The following PLAGL1 variants were observed in gnomAD, a reference collection of about 807,000 sequenced individuals.
PLAGL1 encodes the protein PLAG1 like zinc finger 1, also known as zinc finger protein PLAGL1.
Under a neutral mutation model 4.6 loss-of-function variants are expected in PLAGL1, and 1 was observed. The observed-to-expected ratio is 0.22, with a 90% CI of 0.08 to 1.03. The LOEUF is 1.03. PLAGL1 is among the 50% of genes least tolerant of loss of function. PLAGL1 has a pLI of 0.58. For missense variants in PLAGL1, 464 were observed against 570.4 expected (o/e 0.81, Z 1.90); for synonymous variants, 240 against 237.8 (o/e 1.01, Z -0.08).
Position 143,952,109 on chromosome 6 carries a change from G to GACAACA in PLAGL1, c.-324-3655_-324-3650dup, listed in dbSNP as rs891708876. The stretch of plus-strand genomic sequence containing the variant: ...GGTCAAAGCTTAGCTATTAAAAAAC[G>GACAACA]ACAACAACAACAACAACAACTGTGG... On this transcript the variant is annotated intron_variant, in intron 6 of 7. Coordinates refer to ENST00000674357, the MANE Select transcript of PLAGL1 (RefSeq NM_001317162.2). This position sits in a 1 kb window ranked among gnomAD's most constrained non-coding sequence, Gnocchi z 6.1. Among the ~76,000 whole-genome samples, 1 of 151,840 alleles carries GACAACA rather than the reference G, an allele frequency of 6.6e-6. No individual in the cohort carries two copies. The highest frequency in any genetic ancestry group is 1.5e-5 in the Non-Finnish European group (1 of 67,972).
intron 1 of PLAGL1, among the ~76,000 whole-genome samples, chr6:144,018,198 A>T (rs1043134456): frequency 6.6e-6 from 1 of 152,254 alleles, no homozygotes; most frequent in African/African-American, 2.4e-5. Flanking sequence ...GTCTCAAAAA[A>T]GTTAAAGAAA....
At chr6:143,946,433 AAAACAGGGAGCCTCTGCAAC>A (rs1348262400) in intron 7 of PLAGL1, among the ~76,000 whole-genome samples, 1 of 152,254 alleles carries the variant, frequency 6.6e-6, no homozygotes, top group African/African-American at 2.4e-5. Flanking sequence ...AGCTTCATGC[AAAACAGGGAGCCTCTGCAAC>A]AAACTCATGC....
At chr6:143,944,610 G>A (rs1779353237) in intron 7 of PLAGL1, among the ~76,000 whole-genome samples, 1 of 152,108 alleles carries the variant, frequency 6.6e-6, no homozygotes, top group Non-Finnish European at 1.5e-5. Flanking sequence ...TTGTGCTGGT[G>A]TTTCCACGTT....
Position 143,942,355 on chromosome 6 carries a change from T to C in PLAGL1, c.461A>G (p.Lys154Arg). 6.2e-7 allele frequency: 1 copy of C among 1,614,152 alleles called. No homozygotes were observed. The highest frequency in any genetic ancestry group is 1.1e-5 in the South Asian group (1 of 91,082). Reference protein sequence around the residue: ...EEKPPSGTKEKKHQCDHCERC... With the variant: ...EEKPPSGTKERKHQCDHCERC... The stretch of plus-strand genomic sequence containing the variant: ...TTCACAGTGGTCGCACTGGTGCTTC[T>C]TTTCCTTGGTTCCGCTAGGGGGCTT... The change falls in exon 8 of 8, where the codon AAG becomes AGG. Residue 154 changes from lysine to arginine, a missense_variant. Transcript: ENST00000674357. This position sits in a 1 kb window ranked among gnomAD's most constrained non-coding sequence, Gnocchi z 7.6.
rs1419257836 is a variant in PLAGL1, at chr6:143,973,166, G to A, written c.-543-4188C>T. On this transcript the variant is annotated intron_variant, in intron 2 of 7. Transcript: ENST00000674357. The surrounding 1 kb of genome is among the most constrained non-coding windows in gnomAD (Gnocchi z 6.2). ...ACGGCTTCACAAAGCTAGTTAGGCA[G>A]AGCCATTCATTCCTTCAGGAAAACA... Among the ~76,000 whole-genome samples, 1 of 152,188 alleles carries A rather than the reference G, an allele frequency of 6.6e-6. No individual in the cohort carries two copies. Among genetic ancestry groups the A allele is most frequent in the Non-Finnish European group, 1.5e-5 (1 of 68,038 alleles).
In PLAGL1 at chr6:143,982,329, A is replaced by G. The variant is rs562871678; in HGVS notation, c.-544+2806T>C. 6.6e-6 allele frequency among the ~76,000 whole-genome samples: 1 copy of G among 152,156 alleles called. No individual in the cohort carries two copies. Among genetic ancestry groups the G allele is most frequent in the African/African-American group, 2.4e-5 (1 of 41,446 alleles). On this transcript the variant is annotated intron_variant, in intron 2 of 7. Coordinates refer to ENST00000674357, the MANE Select transcript of PLAGL1 (RefSeq NM_001317162.2). This position sits in a 1 kb window ranked among gnomAD's most constrained non-coding sequence, Gnocchi z 5.3. ...AAGTCATGTGGCTATTTCTGGGTAC[A>G]ATAATTGCAAAACTCGATGCAGAAA...
rs1796395294 is a variant in PLAGL1 at position 144,027,106 on chromosome 6, C to T, written c.-151+37362G>A. Among the ~76,000 whole-genome samples the T allele has an allele frequency of 6.6e-6, 1 of 151,870 alleles. No individual in the cohort carries two copies. Among genetic ancestry groups the T allele is most frequent in the African/African-American group, 2.4e-5 (1 of 41,314 alleles). ...AGCCGCGGTGGCATGCATCTGTGAT[C>T]CCAGCTACTCAGGAGGCTGAGGTGG... On this transcript the variant is annotated intron_variant, in intron 1 of 3. Transcript: ENST00000437412. This position sits in a 1 kb window ranked among gnomAD's most constrained non-coding sequence, Gnocchi z 5.8.
In PLAGL1 at chr6:144,022,176, G is replaced by C. The variant is rs1796022303; in HGVS notation, c.-151+42292C>G. Reference sequence around the variant, plus strand: ...AAATAACTTATATTAAATATACAAAGAACACTTAAAACTAACCAATAAAAA... The same window carrying C: ...AAATAACTTATATTAAATATACAAACAACACTTAAAACTAACCAATAAAAA... On this transcript the variant is annotated intron_variant, in intron 1 of 3. Coordinates refer to the PLAGL1 transcript ENST00000437412. The surrounding 1 kb of genome is among the most constrained non-coding windows in gnomAD (Gnocchi z 4.2). Among the ~76,000 whole-genome samples the C allele has an allele frequency of 6.6e-6, 1 of 152,028 alleles. No individual in the cohort carries two copies. The highest frequency in any genetic ancestry group is 1.5e-5 in the Non-Finnish European group (1 of 68,002).
chr6:143,977,096 C>A (rs934174287), intron 2 of PLAGL1, among the ~76,000 whole-genome samples: 1 of 129,696 alleles, frequency 7.7e-6, no homozygotes, highest in Non-Finnish European at 1.7e-5. Context: ...CCCCCCCCAA[C>A]ACACTTAGCC....
rs4552753 is a variant in PLAGL1, at chr6:143,997,861, T to C, written c.-584+10229A>G. 0.11 allele frequency among the ~76,000 whole-genome samples: 16,706 copies of C among 151,956 alleles called. 1,160 individuals carry two copies. Among genetic ancestry groups the C allele is most frequent in the African/African-American group, 0.19 (7,748 of 41,426 alleles). On this transcript the variant is annotated intron_variant, in intron 1 of 7. Coordinates refer to ENST00000674357, the MANE Select transcript of PLAGL1 (RefSeq NM_001317162.2). This position sits in a 1 kb window ranked among gnomAD's most constrained non-coding sequence, Gnocchi z 4.6. ...GAATGTGGTTACACAGGTGTGCGTA[T>C]GTGTGTGTGTGTATAAACTCATCAA...
rs1401347527 is a variant in PLAGL1 at position 144,048,793 on chromosome 6, G to A, written c.-151+15675C>T. Among the ~76,000 whole-genome samples, 1 of 152,150 alleles carries A rather than the reference G, an allele frequency of 6.6e-6. No individual in the cohort carries two copies. Among genetic ancestry groups the A allele is most frequent in the Non-Finnish European group, 1.5e-5 (1 of 68,038 alleles). On this transcript the variant is annotated intron_variant, in intron 1 of 3. Coordinates refer to the PLAGL1 transcript ENST00000437412. The surrounding 1 kb of genome is among the most constrained non-coding windows in gnomAD (Gnocchi z 4.8). ...CCATCATCTTGGCTATTAATATGTGGCTCCTCATTACTCATGCAAATTTCT... is the reference window on the plus strand; with the variant it reads ...CCATCATCTTGGCTATTAATATGTGACTCCTCATTACTCATGCAAATTTCT...
At chr6:144,043,587 T>C (rs1454952274) in intron 1 of PLAGL1, among the ~76,000 whole-genome samples, 4 of 152,252 alleles carry the variant, frequency 2.6e-5, no homozygotes, top group Admixed American at 6.5e-5. Flanking sequence ...CAGTATTTTA[T>C]TGAGGATTTT....
At chr6:144,019,563 T>C (rs541240567) in intron 1 of PLAGL1, among the ~76,000 whole-genome samples, 28 of 152,158 alleles carry the variant, frequency 1.8e-4, no homozygotes, top group Non-Finnish European at 3.8e-4. Flanking sequence ...ATGTTAAATT[T>C]CCTGAGTGTA....
intron 2 of PLAGL1, among the ~76,000 whole-genome samples, chr6:143,974,280 G>A (rs1291275878): frequency 1.3e-5 from 2 of 151,866 alleles, no homozygotes; most frequent in South Asian, 2.1e-4. Context: ...TCAAAATTGT[G>A]AAACCAAAAA....
In PLAGL1 at chr6:144,013,996, A is replaced by G. The variant is rs1426070383; in HGVS notation, c.-150-45018T>C. Among the ~76,000 whole-genome samples, 1 of 152,224 alleles carries G rather than the reference A, an allele frequency of 6.6e-6. No homozygotes were observed. The highest frequency in any genetic ancestry group is 1.5e-5 in the Non-Finnish European group (1 of 68,044). ...GCAAAATCCATGTCAGCTTTGCTAT[A>G]GAAATTGACAAGCTGATTCTAAACT... is the stretch of plus-strand genomic sequence containing the variant. On this transcript the variant is annotated intron_variant, in intron 1 of 3. Transcript: ENST00000437412. The surrounding 1 kb of genome is among the most constrained non-coding windows in gnomAD (Gnocchi z 4.4).
rs1332094043 is a variant in PLAGL1 at position 144,055,185 on chromosome 6, A to G, written c.-151+9283T>C. 6.6e-6 allele frequency among the ~76,000 whole-genome samples: 1 copy of G among 152,192 alleles called. No homozygotes were observed. Among genetic ancestry groups the G allele is most frequent in the Non-Finnish European group, 1.5e-5 (1 of 68,030 alleles). On this transcript the variant is annotated intron_variant, in intron 1 of 3. Transcript: ENST00000437412. This position sits in a 1 kb window ranked among gnomAD's most constrained non-coding sequence, Gnocchi z 5.0. ...CGGAGAGGCATATCCACAGATATTC[A>G]TATCCACAGATATTCATGAAAACAC...
rs1485588823 is a variant in PLAGL1, at chr6:143,963,519, T to C, written c.-399+1268A>G. Among the ~76,000 whole-genome samples, 1 of 152,186 alleles carries C rather than the reference T, an allele frequency of 6.6e-6. No individual in the cohort carries two copies. The highest frequency in any genetic ancestry group is 6.5e-5 in the Admixed American group (1 of 15,292). ...TTACCTAATACCTTCAACAACCGCATGAGTAGGTAGCATTAACCCTATTTG... is the reference window on the plus strand; with the variant it reads ...TTACCTAATACCTTCAACAACCGCACGAGTAGGTAGCATTAACCCTATTTG... On this transcript the variant is annotated intron_variant, in intron 5 of 7. Coordinates refer to ENST00000674357, the MANE Select transcript of PLAGL1 (RefSeq NM_001317162.2). The surrounding 1 kb of genome is among the most constrained non-coding windows in gnomAD (Gnocchi z 6.1).
At chr6:144,009,330 T>C (rs940927023), upstream of PLAGL1, among the ~76,000 whole-genome samples, 1 of 152,208 alleles carries the variant, frequency 6.6e-6, no homozygotes, top group Non-Finnish European at 1.5e-5. Context: ...TGAATTTTTA[T>C]TTTTATTTAG....
intron 1 of PLAGL1, among the ~76,000 whole-genome samples, chr6:144,021,239 C>T (rs916563786): frequency 2.6e-5 from 4 of 152,126 alleles, no homozygotes; most frequent in African/African-American, 9.7e-5. Context: ...AAGGACTTCA[C>T]ATGCTGGATT....
Sources: gnomAD v4.1 joint callset for allele counts (sites outside exome capture counted in the v4.1 genomes callset) on GRCh38, gnomAD v4.1.1 for gene constraint, Gnocchi (gnomAD v3.1) non-coding constraint, MANE v1.5 for transcripts, NCBI Gene and HGNC (gene_info 2026-07-23, HGNC 2026-07-21) for gene names.